Variants in SETD5 observed in about 807,000 individuals in gnomAD.
The protein encoded by SETD5 is SET domain containing 5, also known as histone-lysine N-methyltransferase SETD5.
In SETD5, 44 loss-of-function variants were observed where a neutral mutation model predicts 153.3. The ratio of observed to expected loss-of-function variants is 0.29; its 90% CI spans 0.23 to 0.37. The LOEUF is 0.37. Ranked by LOEUF, SETD5 falls within the 10% of genes least tolerant of loss-of-function variation. SETD5 has a pLI of 1.00. For synonymous variants in SETD5, 716 were observed against 645.2 expected (o/e 1.11, Z -1.66); for missense variants, 1,544 against 1,768.0 (o/e 0.87, Z 2.27).
intron 16 of SETD5, among the ~76,000 whole-genome samples, chr3:9,450,148 T>C (rs957929009): frequency 6.6e-6 from 1 of 152,208 alleles, no homozygotes; most frequent in African/African-American, 2.4e-5. Context: ...TGGTAGAAAA[T>C]GCATTTCTTT....
Position 9,433,883 on chromosome 3 carries a change from A to G in SETD5, c.110A>G (p.Lys37Arg), listed in dbSNP as rs1177306457. The change falls in exon 4 of 23, where the codon AAG becomes AGG. Residue 37 changes from lysine (K) to arginine (R), a missense_variant. Lys to Arg is a conservative substitution (Grantham distance 26). This residue lies in a region of SETD5 where 251 missense variants were observed against 326.9 expected (regional missense o/e 0.77). Coordinates refer to ENST00000402198, the MANE Select transcript of SETD5 (RefSeq NM_001080517.3). The stretch of plus-strand genomic sequence containing the variant: ...GAGGCTAGTCCAGCAGTTAATGAGA[A>G]GAGCGTGTATTCCACTCATAATTAT... Reference protein sequence around the residue: ...SVEASPAVNEKSVYSTHNYGT... With the variant: ...SVEASPAVNERSVYSTHNYGT... The G allele has an allele frequency of 5.0e-6, 8 of 1,613,844 alleles. No homozygotes were observed. The highest frequency in any genetic ancestry group is 1.3e-5 in the African/African-American group (1 of 74,928).
intron 9 of SETD5, 37 bp from the exon 10 acceptor site, chr3:9,442,091 G>C: frequency 1.4e-6 from 2 of 1,408,154 alleles, no homozygotes; most frequent in Non-Finnish European, 2.0e-6. Flanking sequence ...CTTCTTATTT[G>C]TGTTGAGAAT....
rs144640573 is a variant in SETD5, at chr3:9,446,970, C to A, written c.1525-80C>A. The A allele has an allele frequency of 3.7e-5, 37 of 992,008 alleles. No homozygotes were observed. The African/African-American group carries it at 5.9e-4, about 16-fold the overall frequency. 61.5% of individuals were successfully genotyped at this position (992,008 alleles called of 1,614,324 possible). On this transcript the variant is annotated intron_variant, in intron 13 of 22. Transcript: ENST00000402198. ...TAGTTAAATGAATTTCTGTAAATTT[C>A]CATTAAAAATACTTTTATAAAAGCT...
Position 9,436,811 on chromosome 3 carries a change from A to G in SETD5, c.567+905A>G, listed in dbSNP as rs2040624395. On this transcript the variant is annotated intron_variant, in intron 7 of 22. Transcript: ENST00000402198. Reference sequence around the variant, plus strand: ...AGGTATAACTGTCATTCTTGGTACCAAGTTTTGTTTGTTCTACTTGTTTTC... The same window carrying G: ...AGGTATAACTGTCATTCTTGGTACCGAGTTTTGTTTGTTCTACTTGTTTTC... 10 of 1,542,170 alleles carry G rather than the reference A, an allele frequency of 6.5e-6. No homozygotes were observed. The East Asian group carries it at 2.0e-4, about 30-fold the overall frequency.
At chr3:9,421,740 C>T (rs916248826) in intron 1 of SETD5, among the ~76,000 whole-genome samples, 3 of 152,090 alleles carry the variant, frequency 2.0e-5, no homozygotes, top group African/African-American at 7.2e-5. Context: ...TTGAAATATT[C>T]CCAAAAAGTG....
chr3:9,400,025 T>C (rs1383188904), intron 1 of SETD5, among the ~76,000 whole-genome samples: 3 of 152,228 alleles, frequency 2.0e-5, no homozygotes, highest in African/African-American at 4.8e-5. Flanking sequence ...CCATTAATGC[T>C]GCTGGCTGCA....
At position 9,443,394 on chromosome 3, in the gene SETD5, A is replaced by G; in HGVS notation, c.1164A>G (p.Ala388=). 1 of 1,459,764 alleles carries G rather than the reference A, an allele frequency of 6.9e-7. No individual in the cohort carries two copies. The highest frequency in any genetic ancestry group is 9.1e-7 in the Non-Finnish European group (1 of 1,102,726). The allele number at this position is 1,459,764 out of a possible 1,614,324, so 90.4% of individuals were successfully genotyped here. The change falls in exon 11 of 23, where the codon GCA becomes GCG. Residue 388 remains alanine (A), a synonymous_variant. Transcript: ENST00000402198. ...CCAAGGATGCTGAGGTCACCATAGC[A>G]TTTGATTATGAGTATAGTAACTGGT... ...AITKDAEVTI[A]FDYEYSNCNY...
chr3:9,436,856 C>G, intron 7 of SETD5: 2 of 1,550,086 alleles, frequency 1.3e-6, no homozygotes, highest in Non-Finnish European at 1.7e-6. Flanking sequence ...ATAGGCATTT[C>G]GAGAGGGATC....
chr3:9,447,722 C>T lies in SETD5; in HGVS notation c.1819C>T (p.Pro607Ser), dbSNP rs775646974. ...AAEKLVPKPPPAKPSRPRPKS... is the reference protein window; with the variant it reads ...AAEKLVPKPPSAKPSRPRPKS... ...AGAAAAACTAGTCCCCAAGCCACCT[C>T]CAGCAAAGCCTTCTAGGCCCCGGCC... Residue 607 changes from proline to serine, a missense_variant, in exon 15 of 23, where the codon CCA (proline) becomes TCA (serine). Pro to Ser is a moderately conservative substitution (Grantham distance 74). This residue lies in a region of SETD5 where 782 missense variants were observed against 787.2 expected (regional missense o/e 0.99). Transcript: ENST00000402198. 1.2e-6 allele frequency: 2 copies of T among 1,613,934 alleles called. No homozygotes were observed. The highest frequency in any genetic ancestry group is 2.2e-5 in the East Asian group (1 of 44,884).
At chr3:9,448,266 T>A (rs1453151270) in intron 15 of SETD5, 122 bp from the exon 16 acceptor site, 1 of 1,421,558 alleles carries the variant, frequency 7.0e-7, no homozygotes, top group East Asian at 2.5e-5. Context: ...TTCTAGTTGC[T>A]CAATTCATTC....
chr3:9,446,949 T>C (rs1422873524), intron 13 of SETD5, 101 bp from the exon 14 acceptor site: 1 of 783,376 alleles, frequency 1.3e-6, no homozygotes, highest in East Asian at 2.7e-5. Context: ...TACTGGTAGT[T>C]AAATGAATTT....
chr3:9,445,844 T>A, intron 13 of SETD5, 104 bp downstream of exon 13: 1 of 688,676 alleles, frequency 1.5e-6, no homozygotes, highest in Non-Finnish European at 2.2e-6. Context: ...TGATTTGACC[T>A]GAAGGTTATA....
rs2038863427 is a variant in SETD5, at chr3:9,424,506, T to C, written c.-137T>C. On this transcript the variant is annotated 5_prime_UTR_variant, in exon 2 of 23. Coordinates refer to ENST00000402198, the MANE Select transcript of SETD5 (RefSeq NM_001080517.3). ...TAGCAGATAATTTGGGGGGACTTCA[T>C]ATTCAGAAGTCTATATAAAGGTGAC... The C allele has an allele frequency of 6.6e-6, 1 of 152,250 alleles. No homozygotes were observed. The highest frequency in any genetic ancestry group is 2.1e-4 in the South Asian group (1 of 4,836). The allele number at this position is 152,250 out of a possible 1,614,324, so 9.4% of individuals were successfully genotyped here. A position where few individuals can be genotyped will look rare whatever the true frequency, so the allele number is the denominator to read the frequency against.
chr3:9,406,771 A>C (rs1325309214), intron 1 of SETD5, among the ~76,000 whole-genome samples: 1 of 152,220 alleles, frequency 6.6e-6, no homozygotes, highest in African/African-American at 2.4e-5. Context: ...GGGTGGGTTT[A>C]CATGTCCCTG....
chr3:9,400,505 C>G lies in SETD5; in HGVS notation c.-177+2528C>G, dbSNP rs530757476. 2.6e-5 allele frequency among the ~76,000 whole-genome samples: 4 copies of G among 152,142 alleles called. No homozygotes were observed. In the South Asian group the frequency reaches 8.3e-4, roughly 32 times the overall value. ...ATCCTTTCGATTAGACCACATTTAC[C>G]TTATAGACGATTTGCTAAACATTTT... is the stretch of plus-strand genomic sequence containing the variant. On this transcript the variant is annotated intron_variant, in intron 1 of 22. Transcript: ENST00000402198.
chr3:9,473,588 T>C, intron 20 of SETD5, 51 bp downstream of exon 20: 1 of 1,458,640 alleles, frequency 6.9e-7, no homozygotes, highest in African/African-American at 1.4e-5. Flanking sequence ...GGGGGGAGTA[T>C]ATATCTAAGA....
chr3:9,474,605 C>T (rs773791422), intron 21 of SETD5, 23 bp downstream of exon 21: 5 of 1,611,876 alleles, frequency 3.1e-6, no homozygotes, highest in Non-Finnish European at 4.2e-6. Context: ...CCTTCTGCTG[C>T]CACCACATTC....
chr3:9,414,172 C>T (rs2037064026), intron 1 of SETD5, among the ~76,000 whole-genome samples: 1 of 152,088 alleles, frequency 6.6e-6, no homozygotes, highest in Non-Finnish European at 1.5e-5. Context: ...CTGAAATATT[C>T]TAGAAAAACA....
chr3:9,448,283 C>T, intron 15 of SETD5, 105 bp from the exon 16 acceptor site: 1 of 1,471,036 alleles, frequency 6.8e-7, no homozygotes, highest in South Asian at 1.4e-5. Flanking sequence ...ATTCTTACTG[C>T]AGCTGCTGCA....
Sources: gnomAD v4.1 joint callset for allele counts (sites outside exome capture counted in the v4.1 genomes callset) on GRCh38, gnomAD v4.1.1 for gene constraint, gnomAD v4.1.1 regional missense constraint, MANE v1.5 for transcripts, NCBI Gene and HGNC (gene_info 2026-07-23, HGNC 2026-07-21) for gene names.